RANBP6: variants seen among roughly 807,000 people sequenced by gnomAD.
RANBP6 encodes the protein RAN binding protein 6.
A neutral mutation model predicts 35.3 loss-of-function variants in RANBP6; 10 were observed. The observed-to-expected ratio is 0.28, with a 90% CI of 0.17 to 0.48. RANBP6 has a LOEUF of 0.48. Ranked by LOEUF, RANBP6 falls within the 20% of genes least tolerant of loss-of-function variation. The pLI, the probability that RANBP6 is intolerant of heterozygous loss-of-function variation, is 0.99. For missense variants in RANBP6, 1,392 were observed against 1,307.7 expected (o/e 1.06, Z -0.99); for synonymous variants, 514 against 464.2 (o/e 1.11, Z -1.38).
In RANBP6 at chr9:6,015,467, C is replaced by T. The variant is rs1469594304; in HGVS notation, c.141G>A (p.Leu47=). Residue 47 remains leucine, a synonymous_variant, in exon 1 of 1, where the codon CTG becomes CTA. Transcript: ENST00000259569. The part of the protein sequence containing the change: ...AEEIYENIPG[L]CKTTFLLDAV... ...CATCTAAGAGGAAGGTAGTCTTACA[C>T]AGACCTGGGATATTTTCATAGATTT... 2 of 1,614,044 alleles carry T rather than the reference C, an allele frequency of 1.2e-6. No homozygotes were observed. Among genetic ancestry groups the T allele is most frequent in the African/African-American group, 1.3e-5 (1 of 74,940 alleles).
chr9:6,014,174 A>G lies in RANBP6; in HGVS notation c.1434T>C (p.Ile478=). 6.2e-7 allele frequency: 1 copy of G among 1,613,780 alleles called. No homozygotes were observed. Residue 478 remains isoleucine, a synonymous_variant, in exon 1 of 1, where the codon ATT becomes ATC. Transcript: ENST00000259569. ...SHAASALIIF[I]EDCPKSLLVL... is the part of the protein sequence containing the mutation. ...CTAGCAATGATTTAGGGCAGTCTTC[A>G]ATAAAAATAATAAGAGCAGAAGCTG...
Position 6,015,056 on chromosome 9 carries a change from C to T in RANBP6, c.552G>A (p.Leu184=). 1 of 1,614,148 alleles carries T rather than the reference C, an allele frequency of 6.2e-7. No individual in the cohort carries two copies. Among genetic ancestry groups the T allele is most frequent in the South Asian group, 1.1e-5 (1 of 91,084 alleles). ...CTTGATCTTGAATACACTGGTCCAA[C>T]AACCGTTTGATGATATCCAAATCAT... is the stretch of plus-strand genomic sequence containing the variant. ...ERHDLDIIKR[L]LDQCIQDQEH... The change falls in exon 1 of 1, where the codon TTG becomes TTA. Residue 184 remains leucine (L), a synonymous_variant. Coordinates refer to ENST00000259569, the MANE Select transcript of RANBP6 (RefSeq NM_012416.4).
In RANBP6 at chr9:6,012,224, T is replaced by C. The variant is rs1842483311; in HGVS notation, c.*66A>G. 1 of 1,187,536 alleles carries C rather than the reference T, an allele frequency of 8.4e-7. No homozygotes were observed. The highest frequency in any genetic ancestry group is 1.1e-6 in the Non-Finnish European group (1 of 870,052). 73.6% of individuals were successfully genotyped at this position (1,187,536 alleles called of 1,614,324 possible). A position where few individuals can be genotyped will look rare whatever the true frequency, so the allele number is the denominator to read the frequency against. ...AACAGTTCTCTGATTTATAATAAAATCTATTCACAACACTTATTTGTAGTT... is the reference window on the plus strand; with the variant it reads ...AACAGTTCTCTGATTTATAATAAAACCTATTCACAACACTTATTTGTAGTT... On this transcript the variant is annotated 3_prime_UTR_variant, in exon 1 of 1. Coordinates refer to ENST00000259569, the MANE Select transcript of RANBP6 (RefSeq NM_012416.4).
At position 6,014,237 on chromosome 9, in the gene RANBP6, G is replaced by A; in HGVS notation, c.1371C>T (p.Thr457=). The stretch of plus-strand genomic sequence containing the variant: ...CACGCTGATTACCTTGATTTTCCAT[G>A]GTACGTAACAGAGCTGCAATCACTG... ...HETVIAALLR[T]MENQGNQRVQ... is the part of the protein sequence containing the mutation. The change falls in exon 1 of 1, where the codon ACC becomes ACT. Residue 457 remains threonine (T), a synonymous_variant. Coordinates refer to ENST00000259569, the MANE Select transcript of RANBP6 (RefSeq NM_012416.4). 1 of 1,613,490 alleles carries A rather than the reference G, an allele frequency of 6.2e-7. No homozygotes were observed. Among genetic ancestry groups the A allele is most frequent in the Non-Finnish European group, 8.5e-7 (1 of 1,179,842 alleles).
In RANBP6 at chr9:6,013,442, A is replaced by G; in HGVS notation, c.2166T>C (p.Tyr722=). The part of the protein sequence containing the change: ...VKLMVPLLKF[Y]FHDNVRVAAA... The stretch of plus-strand genomic sequence containing the variant: ...CTGCCACTCGAACATTGTCATGGAA[A>G]TAAAATTTCAGTAAAGGAACCATCA... Residue 722 remains tyrosine (Y), a synonymous_variant, in exon 1 of 1, where the codon TAT becomes TAC. Transcript: ENST00000259569. 6.2e-7 allele frequency: 1 copy of G among 1,614,236 alleles called. No individual in the cohort carries two copies. The highest frequency in any genetic ancestry group is 2.2e-5 in the East Asian group (1 of 44,882).
rs745882029 is a variant in RANBP6, at chr9:6,013,146, A to C, written c.2462T>G (p.Val821Gly). The C allele has an allele frequency of 1.2e-6, 2 of 1,613,936 alleles. No individual in the cohort carries two copies. The highest frequency in any genetic ancestry group is 2.2e-5 in the East Asian group (1 of 44,882). ...ATCATAGTTTTCTTCCTGTCTTTTC[A>C]CCTGTCTCAATTCTTGGTTTTTAAA... The part of the protein sequence containing the change: ...GHFKNQELRQ[V>G]KRQEENYDQQ... Residue 821 changes from valine to glycine, a missense_variant, in exon 1 of 1, where the codon GTG (valine) becomes GGG (glycine). Transcript: ENST00000259569.
In RANBP6 at chr9:6,011,087, G is replaced by C. The variant is rs1226225998; in HGVS notation, c.*1203C>G. ...AGCACTTACTAGGTCTTAAATATTT[G>C]CTAAATACATACACAGTACTCACAA... On this transcript the variant is annotated 3_prime_UTR_variant, in exon 1 of 1. Transcript: ENST00000259569. The C allele has an allele frequency of 6.6e-6, 1 of 152,100 alleles. No individual in the cohort carries two copies. The highest frequency in any genetic ancestry group is 2.1e-4 in the South Asian group (1 of 4,832). 9.4% of individuals were successfully genotyped at this position (152,100 alleles called of 1,614,324 possible). A position where few individuals can be genotyped will look rare whatever the true frequency, so the allele number is the denominator to read the frequency against.
rs759760611 is a variant in RANBP6, at chr9:6,012,329, T to C, written c.3279A>G (p.Glu1093=). ...GCAACTCCTGTAAGGCTTCCTGCTG[T>C]TCATCATCAAGTTGTGATACACATT... ...WLECVSQLDD[E]QQEALQELLN... The change falls in exon 1 of 1, where the codon GAA becomes GAG. Residue 1093 remains glutamate, a synonymous_variant. Transcript: ENST00000259569. The C allele has an allele frequency of 5.0e-6, 8 of 1,592,196 alleles. No homozygotes were observed. The South Asian group carries it at 9.2e-5, about 18-fold the overall frequency.
In RANBP6 at chr9:6,014,624, G is replaced by A. The variant is rs775543652; in HGVS notation, c.984C>T (p.Asp328=). 12 of 1,614,148 alleles carry A rather than the reference G, an allele frequency of 7.4e-6. No individual in the cohort carries two copies. Among genetic ancestry groups the A allele is most frequent in the Non-Finnish European group, 9.3e-6 (11 of 1,180,024 alleles). ...CTTCCATTTCATCAGCATTTACCCA[G>A]TCCTCATCATCTTGTAGATCAACCA... ...AMMVDLQDDE[D]WVNADEMEED... The change falls in exon 1 of 1, where the codon GAC becomes GAT. Residue 328 remains aspartate (D), a synonymous_variant. Coordinates refer to ENST00000259569, the MANE Select transcript of RANBP6 (RefSeq NM_012416.4).
In RANBP6 at chr9:6,013,374, C is replaced by T. The variant is rs765212611; in HGVS notation, c.2234G>A (p.Arg745His). Residue 745 changes from arginine (R) to histidine (H), a missense_variant, in exon 1 of 1, where the codon CGT becomes CAT. Coordinates refer to ENST00000259569, the MANE Select transcript of RANBP6 (RefSeq NM_012416.4). ...CATCTGTGCAAGATACTCTGGGCCA[C>T]GAATTCTTGCACATTCCAGGAGAAA... Reference protein sequence around the residue: ...MPFLLECARIRGPEYLAQMWQ... With the variant: ...MPFLLECARIHGPEYLAQMWQ... 55 of 1,614,002 alleles carry T rather than the reference C, an allele frequency of 3.4e-5. No homozygotes were observed. The highest frequency in any genetic ancestry group is 8.3e-5 in the Admixed American group (5 of 59,994).
In RANBP6 at chr9:6,014,826, G is replaced by A. The variant is rs746109382; in HGVS notation, c.782C>T (p.Pro261Leu). The change falls in exon 1 of 1, where the codon CCT (proline) becomes CTT (leucine). Residue 261 changes from proline to leucine, a missense_variant. By Grantham distance (98) the Pro-to-Leu change is moderately conservative (BLOSUM62 -3). Coordinates refer to ENST00000259569, the MANE Select transcript of RANBP6 (RefSeq NM_012416.4). ...IADTVPKYLG[P>L]YLEDTLQLSL... ...CAACTGTAGAGTATCTTCTAAATAAGGACCCAAGTACTTAGGTACGGTATC... is the reference window on the plus strand; with the variant it reads ...CAACTGTAGAGTATCTTCTAAATAAAGACCCAAGTACTTAGGTACGGTATC... The A allele has an allele frequency of 2.5e-6, 4 of 1,614,128 alleles. No individual in the cohort carries two copies. In the Admixed American group the frequency reaches 5.0e-5, roughly 20 times the overall value.
chr9:6,013,301 T>C lies in RANBP6; in HGVS notation c.2307A>G (p.Pro769=). 6.2e-7 allele frequency: 1 copy of C among 1,614,216 alleles called. No individual in the cohort carries two copies. ...DPLIKAIGTE[P]DTDVLSEIMN... Reference sequence around the variant, plus strand: ...TTATTTCTGAGAGCACATCTGTATCTGGTTCAGTACCAATAGCCTTGATTA... The same window carrying C: ...TTATTTCTGAGAGCACATCTGTATCCGGTTCAGTACCAATAGCCTTGATTA... The change falls in exon 1 of 1, where the codon CCA becomes CCG. Residue 769 remains proline (P), a synonymous_variant. Transcript: ENST00000259569.
At position 6,012,604 on chromosome 9, in the gene RANBP6, G is replaced by A; in HGVS notation, c.3004C>T (p.Pro1002Ser). The A allele has an allele frequency of 6.2e-7, 1 of 1,614,070 alleles. No homozygotes were observed. The highest frequency in any genetic ancestry group is 8.5e-7 in the Non-Finnish European group (1 of 1,179,996). Residue 1002 changes from proline to serine, a missense_variant, in exon 1 of 1, where the codon CCA (proline) becomes TCA (serine). Pro to Ser is a moderately conservative substitution (Grantham distance 74). Transcript: ENST00000259569. ...AGTGGAAGCCATGATAACCAGTGTG[G>A]AAGAACTTCATCTACATTTACACAG... ...PNCVNVDEVL[P>S]HWLSWLPLHE...
chr9:6,011,888 A>G lies in RANBP6; in HGVS notation c.*402T>C, dbSNP rs1184718085. On this transcript the variant is annotated 3_prime_UTR_variant, in exon 1 of 1. Transcript: ENST00000259569. The stretch of plus-strand genomic sequence containing the variant: ...CCTGCCACTATATCCTTCACTCACA[A>G]TTCCAAAGATGTTTGTCCTGGAAAT... 6.4e-6 allele frequency: 1 copy of G among 155,346 alleles called. No homozygotes were observed. Among genetic ancestry groups the G allele is most frequent in the African/African-American group, 2.4e-5 (1 of 41,512 alleles). The allele number at this position is 155,346 out of a possible 1,614,324, so 9.6% of individuals were successfully genotyped here.
Position 6,014,046 on chromosome 9 carries a change from A to G in RANBP6, c.1562T>C (p.Val521Ala), listed in dbSNP as rs759886590. ...ATCTGCAACTGATGCAATGGTTGTC[A>G]CAAGTTGTTCCAAAGCCAACTTAGT... ...NGTKLALEQLVTTIASVADTI... is the reference protein window; with the variant it reads ...NGTKLALEQLATTIASVADTI... Residue 521 changes from valine to alanine, a missense_variant, in exon 1 of 1, where the codon GTG (valine) becomes GCG (alanine). Coordinates refer to ENST00000259569, the MANE Select transcript of RANBP6 (RefSeq NM_012416.4). 3 of 1,613,838 alleles carry G rather than the reference A, an allele frequency of 1.9e-6. No homozygotes were observed. In the Admixed American group the frequency reaches 5.0e-5, roughly 27 times the overall value.
In RANBP6 at chr9:6,015,512, C is replaced by G; in HGVS notation, c.96G>C (p.Met32Ile). 1 of 1,613,612 alleles carries G rather than the reference C, an allele frequency of 6.2e-7. No individual in the cohort carries two copies. The highest frequency in any genetic ancestry group is 8.5e-7 in the Non-Finnish European group (1 of 1,180,032). Residue 32 changes from methionine (M) to isoleucine (I), a missense_variant, in exon 1 of 1, where the codon ATG becomes ATC. Coordinates refer to ENST00000259569, the MANE Select transcript of RANBP6 (RefSeq NM_012416.4). ...LLKNLINPSC[M>I]VRRQAEEIYE... ...AGATTTCCTCTGCTTGCCTCCGCAC[C>G]ATACAGCTTGGATTGATCAGGTTCT... is the stretch of plus-strand genomic sequence containing the variant.
Position 6,014,110 on chromosome 9 carries a change from C to G in RANBP6, c.1498G>C (p.Val500Leu). ...AACTCTTGAAGTTTAATCACCAAGA[C>G]GGAATGTAGATTTTTCACCATACTA... ...VDSMVKNLHS[V>L]LVIKLQELIR... Residue 500 changes from valine (V) to leucine (L), a missense_variant, in exon 1 of 1, where the codon GTC becomes CTC. Val to Leu is a conservative substitution (Grantham distance 32, BLOSUM62 1). Transcript: ENST00000259569. 1 of 1,613,974 alleles carries G rather than the reference C, an allele frequency of 6.2e-7. No individual in the cohort carries two copies. Among genetic ancestry groups the G allele is most frequent in the Non-Finnish European group, 8.5e-7 (1 of 1,180,022 alleles).
Position 6,012,988 on chromosome 9 carries a change from GA to G in RANBP6, c.2619del (p.Pro874HisfsTer2), listed in dbSNP as rs763111978. 4.3e-6 allele frequency: 7 copies of G among 1,613,558 alleles called. No individual in the cohort carries two copies. Among genetic ancestry groups the G allele is most frequent in the Non-Finnish European group, 5.9e-6 (7 of 1,179,714 alleles). ...EKILPWFEQL[L>X]PLIVNLICSS... ...GAACAAATTAGATTTACAATTAATG[GA>G]AGTAGTTGTTCAAACCATGGTAAAA... is the stretch of plus-strand genomic sequence containing the variant. On this transcript the variant is annotated frameshift_variant, in exon 1 of 1. Transcript: ENST00000259569. LOFTEE classifies it high-confidence loss of function.
Position 6,013,576 on chromosome 9 carries a change from T to C in RANBP6, c.2032A>G (p.Ile678Val). The C allele has an allele frequency of 6.2e-7, 1 of 1,614,250 alleles. No homozygotes were observed. Among genetic ancestry groups the C allele is most frequent in the Non-Finnish European group, 8.5e-7 (1 of 1,180,044 alleles). ...VNLGDQQSFG[I>V]KTSGLEAKAT... ...TTTGCTTCAAGTCCTGAAGTTTTAATTCCAAAACTCTGCTGGTCTCCAAGA... is the reference window on the plus strand; with the variant it reads ...TTTGCTTCAAGTCCTGAAGTTTTAACTCCAAAACTCTGCTGGTCTCCAAGA... Residue 678 changes from isoleucine to valine, a missense_variant, in exon 1 of 1, where the codon ATT (isoleucine) becomes GTT (valine). Coordinates refer to ENST00000259569, the MANE Select transcript of RANBP6 (RefSeq NM_012416.4).
Sources: allele counts gnomAD v4.1 joint callset, GRCh38; gene constraint gnomAD v4.1.1; transcripts MANE v1.5; gene names NCBI Gene and HGNC (gene_info 2026-07-23, HGNC 2026-07-21).